Variants in ZNF362 observed in about 807,000 individuals in gnomAD.
The protein encoded by ZNF362 is rotund homolog.
ZNF362 carries 11 observed loss-of-function variants against 42.9 expected under a neutral mutation model. The observed-to-expected ratio is 0.26, with a 90% CI of 0.16 to 0.42. The LOEUF (loss-of-function observed/expected upper bound fraction) is 0.42. Ranked by LOEUF, ZNF362 falls within the 20% of genes least tolerant of loss-of-function variation. The pLI, the probability that ZNF362 is intolerant of heterozygous loss-of-function variation, is 1.00. For synonymous variants in ZNF362, 255 were observed against 257.3 expected (o/e 0.99, Z 0.09); for missense variants, 362 against 576.2 (o/e 0.63, Z 3.81).
At chr1:33,159,746 G>A in the ZNF362 span, 16 of 1,613,010 alleles carry the variant, frequency 9.9e-6, no homozygotes, top group Admixed American at 3.3e-5. This position sits in a 1 kb window ranked among gnomAD's most constrained non-coding sequence, Gnocchi z 4.2. Flanking sequence ...TCAGCCAGCC[G>A]CTCCTGCAGG....
At chr1:33,250,805 G>GAGAAGA in the ZNF362 span, among the ~76,000 whole-genome samples, 3 of 144,514 alleles carry the variant, frequency 2.1e-5, no homozygotes, top group African/African-American at 5.1e-5. Flanking sequence ...GGAGGAGAAG[G>GAGAAGA]AGAAGAAGAA....
chr1:33,178,567 G>A, the ZNF362 span, among the ~76,000 whole-genome samples: 154 of 152,320 alleles, frequency 1.0e-3, 2 homozygotes, highest in African/African-American at 3.5e-3. Context: ...ATTCCAGCCC[G>A]TACTGTGTGC....
At chr1:33,297,513 C>CTTTTTTTTTTTTTTTT in intron 8 of ZNF362, among the ~76,000 whole-genome samples, 1 of 121,068 alleles carries the variant, frequency 8.3e-6, no homozygotes, top group Non-Finnish European at 1.6e-5. Flanking sequence ...CATGATTCCT[C>CTTTTTTTTTTTTTTTT]TTTTTTTTTT....
At chr1:33,234,081 T>C in the ZNF362 span, among the ~76,000 whole-genome samples, 2 of 152,194 alleles carry the variant, frequency 1.3e-5, no homozygotes, top group South Asian at 4.1e-4. Flanking sequence ...TGCCAGACAT[T>C]CACCAAGTGT....
At chr1:33,133,219 C>G in the ZNF362 span, among the ~76,000 whole-genome samples, 44,511 of 152,134 alleles carry the variant, frequency 0.29, 6,830 homozygotes, top group African/African-American at 0.38. Flanking sequence ...ACAAGGGCAA[C>G]GGAGGCTGTG....
chr1:33,257,451 T>G (rs1570376792), intron 1 of ZNF362, among the ~76,000 whole-genome samples: 2 of 145,906 alleles, frequency 1.4e-5, no homozygotes, highest in African/African-American at 5.1e-5. Context: ...TGGAAGGCGG[T>G]GAAATGCCGC....
At chr1:33,263,555 C>T (rs1315454450) in intron 1 of ZNF362, among the ~76,000 whole-genome samples, 3 of 152,098 alleles carry the variant, frequency 2.0e-5, no homozygotes, top group Admixed American at 6.6e-5. Context: ...GGATTACAGG[C>T]GTGTGCCACC....
the ZNF362 span, among the ~76,000 whole-genome samples, chr1:33,237,521 A>C: frequency 1.7e-4 from 26 of 152,306 alleles, no homozygotes; most frequent in African/African-American, 6.0e-4. Flanking sequence ...CAGAAAGGAA[A>C]AGAGTGCTTT....
At chr1:33,236,544 A>AT in the ZNF362 span, among the ~76,000 whole-genome samples, 14 of 9,146 alleles carry the variant, frequency 1.5e-3, no homozygotes, top group African/African-American at 2.4e-3. Context: ...AAAAAAAAAA[A>AT]AAAAAAATAT....
At chr1:33,238,222 G>T in the ZNF362 span, among the ~76,000 whole-genome samples, 4 of 151,788 alleles carry the variant, frequency 2.6e-5, no homozygotes, top group African/African-American at 9.7e-5. Context: ...AGGAGGCTGA[G>T]GCAGGAGAAT....
the ZNF362 span, among the ~76,000 whole-genome samples, chr1:33,130,751 A>G: frequency 1.3e-5 from 2 of 152,258 alleles, no homozygotes; most frequent in African/African-American, 4.8e-5. Flanking sequence ...GATAACTAAT[A>G]CAGAGGGATT....
At chr1:33,261,834 CTCTG>C (rs1645829804) in intron 1 of ZNF362, among the ~76,000 whole-genome samples, 1 of 152,244 alleles carries the variant, frequency 6.6e-6, no homozygotes, top group African/African-American at 2.4e-5. Context: ...CCACGTGCAT[CTCTG>C]TCTGCTACCC....
At chr1:33,159,586 A>G in the ZNF362 span, 1 of 1,436,752 alleles carries the variant, frequency 7.0e-7, no homozygotes, top group African/African-American at 1.4e-5. The surrounding 1 kb of genome is among the most constrained non-coding windows in gnomAD (Gnocchi z 4.2). Context: ...TTTGAATGAA[A>G]GAATTCTCTG....
At chr1:33,160,067 G>T in the ZNF362 span, 2 of 1,264,052 alleles carry the variant, frequency 1.6e-6, no homozygotes, top group Non-Finnish European at 2.2e-6. Flanking sequence ...CACGCGTGGT[G>T]GGGGAAATGT....
the ZNF362 span, among the ~76,000 whole-genome samples, chr1:33,170,880 A>G: frequency 1.3e-5 from 2 of 152,184 alleles, no homozygotes; most frequent in Non-Finnish European, 2.9e-5. Flanking sequence ...AAGTGAGACA[A>G]TGGTAAGAAG....
At chr1:33,256,450 C>CCCGCCGCCGCCGCCG (rs761575797), upstream of ZNF362, 38 of 157,424 alleles carry the variant, frequency 2.4e-4, no homozygotes, top group South Asian at 1.4e-3. Context: ...GACCCAGCCT[C>CCCGCCGCCGCCGCCG]CCGCCGCCGC....
At chr1:33,158,624 A>G in the ZNF362 span, among the ~76,000 whole-genome samples, 1 of 152,226 alleles carries the variant, frequency 6.6e-6, no homozygotes, top group African/African-American at 2.4e-5. Context: ...GGCATAACAT[A>G]TACAGATGCT....
At chr1:33,222,869 G>A in the ZNF362 span, among the ~76,000 whole-genome samples, 1 of 152,160 alleles carries the variant, frequency 6.6e-6, no homozygotes, top group African/African-American at 2.4e-5. Context: ...GAGGGACCTG[G>A]TGGGAGGTAA....
At chr1:33,132,142 G>T in the ZNF362 span, among the ~76,000 whole-genome samples, 1 of 152,222 alleles carries the variant, frequency 6.6e-6, no homozygotes, top group Middle Eastern at 3.4e-3. Context: ...ATCTACTCTG[G>T]ATCCAGCTGC....
Sources: gnomAD v4.1 joint callset for allele counts (sites outside exome capture counted in the v4.1 genomes callset) on GRCh38, gnomAD v4.1.1 for gene constraint, Gnocchi (gnomAD v3.1) non-coding constraint, MANE v1.5 for transcripts, NCBI Gene and HGNC (gene_info 2026-07-23, HGNC 2026-07-21) for gene names.